The following SMIM36 variants were observed in gnomAD, a reference collection of about 807,000 sequenced individuals.
SMIM36 encodes the protein small integral membrane protein 36.
chr17:55,501,389 ATATAT>A (rs1331771588), intron 1 of SMIM36, among the ~76,000 whole-genome samples: 1 of 64,792 alleles, frequency 1.5e-5, no homozygotes, highest in Non-Finnish European at 2.4e-5. Context: ...ATAGAATATA[ATATAT>A]TATATATTAT....
intron 4 of SMIM36, among the ~76,000 whole-genome samples, chr17:55,451,102 G>C (rs1196986126): frequency 6.6e-6 from 1 of 152,112 alleles, no homozygotes; most frequent in South Asian, 2.1e-4. Flanking sequence ...GGTCAGGCTG[G>C]TCTCGAACTC....
At chr17:55,482,546 C>G (rs1909538245) in intron 1 of SMIM36, among the ~76,000 whole-genome samples, 1 of 152,172 alleles carries the variant, frequency 6.6e-6, no homozygotes, top group Non-Finnish European at 1.5e-5. Context: ...CTATAGTTTG[C>G]TTGAGGACAG....
At chr17:55,487,281 A>G (rs1909624660) in intron 1 of SMIM36, among the ~76,000 whole-genome samples, 1 of 152,210 alleles carries the variant, frequency 6.6e-6, no homozygotes, top group Non-Finnish European at 1.5e-5. Context: ...CAGCAAAACA[A>G]CATGTCACAT....
At chr17:55,500,757 T>A (rs1182944880) in intron 1 of SMIM36, among the ~76,000 whole-genome samples, 3 of 119,028 alleles carry the variant, frequency 2.5e-5, no homozygotes, top group African/African-American at 9.8e-5. Flanking sequence ...ATTTCACTTA[T>A]GTTTTATATT....
At chr17:55,493,872 A>G (rs1909761957) in intron 1 of SMIM36, among the ~76,000 whole-genome samples, 1 of 150,288 alleles carries the variant, frequency 6.7e-6, no homozygotes, top group Non-Finnish European at 1.5e-5. Flanking sequence ...CAAAGTGGGC[A>G]GAGAGACAGA....
the SMIM36 span, among the ~76,000 whole-genome samples, chr17:55,525,727 G>A: frequency 7.9e-5 from 12 of 151,892 alleles, no homozygotes; most frequent in Non-Finnish European, 1.3e-4. Flanking sequence ...GCGTGATCTC[G>A]GCTCACTGCA....
At chr17:55,526,695 T>G in the SMIM36 span, among the ~76,000 whole-genome samples, 1 of 152,222 alleles carries the variant, frequency 6.6e-6, no homozygotes, top group Admixed American at 6.5e-5. Flanking sequence ...TTTCTCATTT[T>G]CCACTTCTTT....
chr17:55,521,441 C>T, the SMIM36 span, among the ~76,000 whole-genome samples: 4 of 152,230 alleles, frequency 2.6e-5, no homozygotes, highest in African/African-American at 4.8e-5. Context: ...AAATGTTTCA[C>T]ACCCATGATG....
At chr17:55,464,874 A>T (rs1909208702) in intron 4 of SMIM36, among the ~76,000 whole-genome samples, 1 of 152,184 alleles carries the variant, frequency 6.6e-6, no homozygotes, top group African/African-American at 2.4e-5. Context: ...TTGTCTTAAC[A>T]TTGTATCCAT....
At chr17:55,470,179 ATC>A (rs1385926332) in intron 3 of SMIM36, among the ~76,000 whole-genome samples, 1 of 152,072 alleles carries the variant, frequency 6.6e-6, no homozygotes. Context: ...CGGACTGTCC[ATC>A]TTGCCCAGCA....
At chr17:55,524,767 A>C in the SMIM36 span, among the ~76,000 whole-genome samples, 3 of 152,208 alleles carry the variant, frequency 2.0e-5, no homozygotes, top group Admixed American at 1.3e-4. Flanking sequence ...GCTAGTGAAA[A>C]AAGTGCCCTA....
intron 4 of SMIM36, among the ~76,000 whole-genome samples, chr17:55,459,752 T>C (rs946365946): frequency 6.6e-6 from 1 of 152,218 alleles, no homozygotes; most frequent in Non-Finnish European, 1.5e-5. Context: ...ATCGGAGCAC[T>C]TTGGGAGGCC....
chr17:55,456,974 G>A (rs1909035897), intron 4 of SMIM36, among the ~76,000 whole-genome samples: 1 of 152,208 alleles, frequency 6.6e-6, no homozygotes, highest in South Asian at 2.1e-4. Flanking sequence ...CTACATAGCA[G>A]TTAGTGATTT....
intron 1 of SMIM36, among the ~76,000 whole-genome samples, chr17:55,490,158 G>C (rs975496516): frequency 6.6e-6 from 1 of 151,940 alleles, no homozygotes; most frequent in African/African-American, 2.4e-5. Flanking sequence ...CCTGGCCATC[G>C]ATGCGTATTT....
chr17:55,492,051 C>T (rs930233401), intron 1 of SMIM36, among the ~76,000 whole-genome samples: 2 of 151,084 alleles, frequency 1.3e-5, no homozygotes, highest in African/African-American at 4.9e-5. Flanking sequence ...CCCAGCTACT[C>T]GGGAGGCTGA....
intron 1 of SMIM36, among the ~76,000 whole-genome samples, chr17:55,509,438 G>T (rs1306024498): frequency 4.6e-5 from 7 of 152,054 alleles, no homozygotes; most frequent in Admixed American, 1.3e-4. Context: ...CTTATCTTTG[G>T]TACCTGAGTC....
intron 1 of SMIM36, among the ~76,000 whole-genome samples, chr17:55,501,220 A>ATAATATT (rs1567870975): frequency 3.0e-4 from 3 of 10,060 alleles, no homozygotes; most frequent in African/African-American, 2.2e-3. Context: ...TATAATATAT[A>ATAATATT]TTATATATTA....
chr17:55,487,096 A>G (rs79784677), intron 1 of SMIM36, among the ~76,000 whole-genome samples: 3,990 of 151,678 alleles, frequency 0.026, 152 homozygotes, highest in African/African-American at 0.081. Context: ...ACGTGTCCCT[A>G]TGGAACAGAA....
At chr17:55,455,844 G>A (rs538684973) in intron 4 of SMIM36, among the ~76,000 whole-genome samples, 19 of 151,902 alleles carry the variant, frequency 1.3e-4, no homozygotes, top group Non-Finnish European at 1.9e-4. Flanking sequence ...CATGCTGGGT[G>A]CGGTGGCTCA....
Sources: gnomAD v4.1 joint callset for allele counts (sites outside exome capture counted in the v4.1 genomes callset) on GRCh38, gnomAD v4.1.1 for gene constraint, MANE v1.5 for transcripts, NCBI Gene and HGNC (gene_info 2026-07-23, HGNC 2026-07-21) for gene names.